Variants in CD38 observed in about 807,000 individuals in gnomAD.
The protein encoded by CD38 is ADP-ribosyl cyclase/cyclic ADP-ribose hydrolase 1.
CD38 carries 31 observed loss-of-function variants against 36.3 expected under a neutral mutation model. The ratio of observed to expected loss-of-function variants is 0.85; its 90% CI spans 0.64 to 1.15. The LOEUF (loss-of-function observed/expected upper bound fraction) is 1.15. Ranked by LOEUF, CD38 falls within the 50% of genes most tolerant of loss-of-function variation. CD38 has a pLI of 0.00. For missense variants in CD38, 380 were observed against 371.9 expected (o/e 1.02, Z -0.18); for synonymous variants, 131 against 135.2 (o/e 0.97, Z 0.22).
chr4:15,790,742 C>T (rs1388440029), intron 1 of CD38, among the ~76,000 whole-genome samples: 6 of 151,142 alleles, frequency 4.0e-5, no homozygotes, highest in African/African-American at 1.5e-4. Context: ...AGCGCCTCTT[C>T]CCCGCCGCCA....
chr4:15,834,281 C>T lies in CD38; in HGVS notation c.564C>T (p.Phe188=). The change falls in exon 4 of 8, where the codon TTC becomes TTT. Residue 188 remains phenylalanine, a synonymous_variant. Transcript: ENST00000226279. ...KDCSNNPVSV[F]WKTVSRRFAE... is the part of the protein sequence containing the mutation. ...GCAGCAACAACCCTGTTTCAGTATT[C>T]TGGAAAACGGTTTCCCGCAGGGTAA... is the stretch of plus-strand genomic sequence containing the variant. 6.2e-7 allele frequency: 1 copy of T among 1,612,340 alleles called. No homozygotes were observed.
intron 1 of CD38, among the ~76,000 whole-genome samples, chr4:15,780,978 C>T (rs970371412): frequency 3.3e-5 from 5 of 152,028 alleles, no homozygotes; most frequent in Admixed American, 6.6e-5. Context: ...TGTTGTGGCG[C>T]GTGCCTGTAA....
intron 1 of CD38, among the ~76,000 whole-genome samples, chr4:15,790,333 T>G (rs1188107692): frequency 6.6e-6 from 1 of 151,948 alleles, no homozygotes; most frequent in Non-Finnish European, 1.5e-5. Flanking sequence ...CCGCCACGCC[T>G]GACTGGTTTT....
chr4:15,790,046 G>A (rs1392255120), intron 1 of CD38, among the ~76,000 whole-genome samples: 1 of 151,540 alleles, frequency 6.6e-6, no homozygotes, highest in Non-Finnish European at 1.5e-5. Flanking sequence ...AAATATCTGG[G>A]GAGAACATCC....
At chr4:15,832,689 G>A (rs374841724) in intron 3 of CD38, among the ~76,000 whole-genome samples, 3 of 152,172 alleles carry the variant, frequency 2.0e-5, no homozygotes, top group Non-Finnish European at 4.4e-5. Context: ...CTTGAAGCCA[G>A]TACAGCACTT....
intron 7 of CD38, 103 bp from the exon 8 acceptor site, chr4:15,848,436 G>T (rs1336998539): frequency 5.3e-6 from 4 of 757,472 alleles, no homozygotes; most frequent in Non-Finnish European, 9.3e-6. Context: ...TAAGTGGTCT[G>T]TGCACCTTGT....
At chr4:15,799,262 A>T (rs1008988567) in intron 1 of CD38, among the ~76,000 whole-genome samples, 2 of 152,156 alleles carry the variant, frequency 1.3e-5, no homozygotes. Context: ...TTTATCAAAT[A>T]ATCCATCCTT....
intron 3 of CD38, among the ~76,000 whole-genome samples, chr4:15,829,903 T>A (rs1218569776): frequency 6.6e-6 from 1 of 152,226 alleles, no homozygotes; most frequent in Admixed American, 6.5e-5. Flanking sequence ...CTATTCATGT[T>A]GTTGCAAATG....
intron 1 of CD38, among the ~76,000 whole-genome samples, chr4:15,794,771 A>G (rs1167181668): frequency 6.8e-6 from 1 of 147,544 alleles, no homozygotes; most frequent in African/African-American, 2.5e-5. Flanking sequence ...CTTAGTTTTC[A>G]TAGGAAAAAA....
chr4:15,816,401 A>G, intron 1 of CD38, 110 bp from the exon 2 acceptor site: 1 of 842,128 alleles, frequency 1.2e-6, no homozygotes, highest in Admixed American at 2.7e-5. Context: ...TGTATGAACT[A>G]CCTGGCATAT....
chr4:15,830,712 G>A (rs1723942343), intron 3 of CD38, among the ~76,000 whole-genome samples: 1 of 152,004 alleles, frequency 6.6e-6, no homozygotes, highest in African/African-American at 2.4e-5. Flanking sequence ...TCTTGTAGTA[G>A]TTTGCAGTAG....
At chr4:15,787,400 T>G (rs955836096) in intron 1 of CD38, among the ~76,000 whole-genome samples, 1 of 152,226 alleles carries the variant, frequency 6.6e-6, no homozygotes, top group Non-Finnish European at 1.5e-5. Flanking sequence ...AAACAGCTTT[T>G]CCTTTCTTCC....
In CD38 at chr4:15,778,692, C is replaced by A; in HGVS notation, c.233+45C>A. ...GCACCGGTGGGCACTGCGGGGACAGCAGGGCCCCGCGCGCAGGGAAGCCGC... is the reference window on the plus strand; with the variant it reads ...GCACCGGTGGGCACTGCGGGGACAGAAGGGCCCCGCGCGCAGGGAAGCCGC... On this transcript the variant is annotated intron_variant, in intron 1 of 7. Transcript: ENST00000226279. This position sits in a 1 kb window ranked among gnomAD's most constrained non-coding sequence, Gnocchi z 4.9. 7.3e-7 allele frequency: 1 copy of A among 1,363,734 alleles called. No individual in the cohort carries two copies. The highest frequency in any genetic ancestry group is 1.0e-6 in the Non-Finnish European group (1 of 965,986). The allele number at this position is 1,363,734 out of a possible 1,614,324, so 84.5% of individuals were successfully genotyped here.
intron 1 of CD38, among the ~76,000 whole-genome samples, chr4:15,781,088 C>T (rs777675100): frequency 1.2e-4 from 18 of 152,232 alleles, no homozygotes; most frequent in Non-Finnish European, 2.2e-4. Context: ...AGTAAGACTC[C>T]GTCTCAAAAC....
chr4:15,834,423 A>T (rs575504328), intron 4 of CD38, 121 bp downstream of exon 4: 3 of 662,998 alleles, frequency 4.5e-6, no homozygotes, highest in African/African-American at 1.8e-5. Context: ...AAAATATAGG[A>T]TTCATTCCTG....
chr4:15,820,672 C>A (rs747595308), intron 2 of CD38, among the ~76,000 whole-genome samples: 2 of 152,082 alleles, frequency 1.3e-5, no homozygotes, highest in South Asian at 2.1e-4. Flanking sequence ...AATACAGGAA[C>A]ACCGAGATTC....
intron 1 of CD38, among the ~76,000 whole-genome samples, chr4:15,792,458 G>GAAA (rs1249314137): frequency 1.7e-4 from 22 of 129,224 alleles, no homozygotes; most frequent in African/African-American, 5.7e-4. Flanking sequence ...AATGAATCAA[G>GAAA]AAAAAAAAAG....
intron 1 of CD38, among the ~76,000 whole-genome samples, chr4:15,798,803 C>G (rs1290170993): frequency 6.6e-6 from 1 of 152,248 alleles, no homozygotes; most frequent in South Asian, 2.1e-4. Context: ...ATTCCCTGAT[C>G]ATTAACATAA....
chr4:15,847,855 G>A (rs1034798860), intron 7 of CD38, among the ~76,000 whole-genome samples: 5 of 152,052 alleles, frequency 3.3e-5, no homozygotes, highest in African/African-American at 1.2e-4. Flanking sequence ...GGCTCCAAGT[G>A]AGCTCACTCA....
Sources: gnomAD v4.1 joint callset for allele counts (sites outside exome capture counted in the v4.1 genomes callset) on GRCh38, gnomAD v4.1.1 for gene constraint, Gnocchi (gnomAD v3.1) non-coding constraint, MANE v1.5 for transcripts, NCBI Gene and HGNC (gene_info 2026-07-23, HGNC 2026-07-21) for gene names.